CIT: variants seen among roughly 807,000 people sequenced by gnomAD.
CIT encodes the protein citron Rho-interacting kinase.
In CIT, 79 loss-of-function variants were observed where a neutral mutation model predicts 272.7. The ratio of observed to expected loss-of-function variants is 0.29; its 90% CI spans 0.24 to 0.35. The LOEUF is 0.35. Among genes scored for constraint, CIT ranks in the 10% least tolerant of loss-of-function variants. The pLI is 1.00. For synonymous variants in CIT, 948 were observed against 995.6 expected, an observed-to-expected ratio of 0.95 and a Z score of 0.90; for missense variants, 1,909 against 2,618.3, an observed-to-expected ratio of 0.73 and a Z score of 5.91.
At chr12:119,810,703 T>C (rs1177958687) in intron 9 of CIT, among the ~76,000 whole-genome samples, 16 of 69,568 alleles carry the variant, frequency 2.3e-4, no homozygotes, top group African/African-American at 1.1e-3. Flanking sequence ...TTCCATCATC[T>C]CAGAAAAAAA....
In CIT at chr12:119,712,188, T is replaced by C; in HGVS notation, c.4844A>G (p.Glu1615Gly). 6.3e-7 allele frequency: 1 copy of C among 1,599,740 alleles called. No individual in the cohort carries two copies. Among genetic ancestry groups the C allele is most frequent in the Non-Finnish European group, 8.5e-7 (1 of 1,172,368 alleles). ...CGCTTTCATACTCACAGCATCAGCT[T>C]CTGCTTTTTCCCTAGAAACTCTCCC... ...AGGRVSREKA[E>G]ADAKLLGNSL... is the part of the protein sequence containing the mutation. Residue 1615 changes from glutamate (E) to glycine (G), a missense_variant, in exon 37 of 48, where the codon GAA becomes GGA. Transcript: ENST00000392521. The surrounding 1 kb of genome is among the most constrained non-coding windows in gnomAD (Gnocchi z 5.2).
At position 119,712,043 on chromosome 12, in the gene CIT, A is replaced by G; in HGVS notation, c.4854+135T>C. On this transcript the variant is annotated intron_variant, in intron 37 of 47. Coordinates refer to ENST00000392521, the MANE Select transcript of CIT (RefSeq NM_001206999.2). This position sits in a 1 kb window ranked among gnomAD's most constrained non-coding sequence, Gnocchi z 5.2. Reference sequence around the variant, plus strand: ...ACCACCAGACTCCTGGCCATGACACAGTCTAGAGCCATCAGCCCTCAGAGA... The same window carrying G: ...ACCACCAGACTCCTGGCCATGACACGGTCTAGAGCCATCAGCCCTCAGAGA... The G allele has an allele frequency of 4.0e-6, 3 of 758,284 alleles. No individual in the cohort carries two copies. In the South Asian group the frequency reaches 6.9e-5, roughly 17 times the overall value. 47.0% of individuals were successfully genotyped at this position (758,284 alleles called of 1,614,324 possible). A position where few individuals can be genotyped will look rare whatever the true frequency, so the allele number is the denominator to read the frequency against.
intron 24 of CIT, among the ~76,000 whole-genome samples, chr12:119,737,078 T>G (rs1325320604): frequency 6.6e-6 from 1 of 152,002 alleles, no homozygotes; most frequent in Non-Finnish European, 1.5e-5. Flanking sequence ...CCTTAATGCA[T>G]CATGTAAACA....
intron 9 of CIT, among the ~76,000 whole-genome samples, chr12:119,812,548 T>C (rs1483709152): frequency 1.3e-5 from 2 of 151,634 alleles, no homozygotes; most frequent in Admixed American, 6.6e-5. Flanking sequence ...CAAGCAATCC[T>C]CCCACCTCAG....
chr12:119,772,817 G>A lies in CIT; in HGVS notation c.2035C>T (p.Arg679Ter). The change falls in exon 17 of 48, where the codon CGA (arginine) becomes TGA (stop). Residue 679 changes from arginine to a stop codon, truncating the protein, a stop_gained. Coordinates refer to ENST00000392521, the MANE Select transcript of CIT (RefSeq NM_001206999.2). LOFTEE classifies it high-confidence loss of function. ...AERELEKLQN[R>*]EDSSEGIRKK... The stretch of plus-strand genomic sequence containing the variant: ...CTGATGCCTTCAGAAGAATCCTCTC[G>A]GTTCTGCAGCTTCTCCAGCTCCCTC... The A allele has an allele frequency of 1.9e-6, 3 of 1,613,924 alleles. No homozygotes were observed. Among genetic ancestry groups the A allele is most frequent in the Non-Finnish European group, 1.7e-6 (2 of 1,179,966 alleles).
In CIT at chr12:119,751,915, G is replaced by A. The variant is rs551125931; in HGVS notation, c.2904+135C>T. The A allele has an allele frequency of 1.6e-5, 12 of 770,420 alleles. No homozygotes were observed. In the Admixed American group the frequency reaches 2.7e-4, roughly 17 times the overall value. 47.7% of individuals were successfully genotyped at this position (770,420 alleles called of 1,614,324 possible). On this transcript the variant is annotated intron_variant, in intron 23 of 47. Coordinates refer to ENST00000392521, the MANE Select transcript of CIT (RefSeq NM_001206999.2). ...AGCAGCCTATGTAAGCCAATTTCCTGGCCACTGAATATCTTTGTGGATCAT... is the reference window on the plus strand; with the variant it reads ...AGCAGCCTATGTAAGCCAATTTCCTAGCCACTGAATATCTTTGTGGATCAT...
chr12:119,774,584 G>GTA (rs773430710), intron 16 of CIT, among the ~76,000 whole-genome samples: 8 of 146,204 alleles, frequency 5.5e-5, no homozygotes, highest in Non-Finnish European at 1.1e-4. Flanking sequence ...GTGTGTGTGT[G>GTA]TATACATCAC....
At chr12:119,721,077 C>G (rs2137140820) in intron 29 of CIT, among the ~76,000 whole-genome samples, 1 of 152,292 alleles carries the variant, frequency 6.6e-6, no homozygotes, top group Non-Finnish European at 1.5e-5. Context: ...AGCCATTCTC[C>G]TTCCTCAGTC....
rs117164539 is a variant in CIT, at chr12:119,727,793, G to A, written c.3591+709C>T. On this transcript the variant is annotated intron_variant, in intron 28 of 47. Transcript: ENST00000392521. ...AACAATACAAAAATTAGTCGAGCATGGAGGCATATACCTGTAGTCCCAGCT... is the reference window on the plus strand; with the variant it reads ...AACAATACAAAAATTAGTCGAGCATAGAGGCATATACCTGTAGTCCCAGCT... Among the ~76,000 whole-genome samples, 6,500 of 152,150 alleles carry A rather than the reference G, an allele frequency of 0.043. 669 individuals carry two copies. The East Asian group carries it at 0.46, about 11-fold the overall frequency.
chr12:119,874,803 G>A (rs532387962), intron 2 of CIT, among the ~76,000 whole-genome samples: 3 of 151,252 alleles, frequency 2.0e-5, no homozygotes, highest in Non-Finnish European at 1.5e-5. Flanking sequence ...GGAGAATGGC[G>A]TGAACCCCGG....
intron 40 of CIT, among the ~76,000 whole-genome samples, chr12:119,706,199 C>T (rs1225781467): frequency 1.3e-5 from 2 of 152,056 alleles, no homozygotes; most frequent in African/African-American, 2.4e-5. Context: ...CGCCAGTAGC[C>T]TCAGGGGGTC....
chr12:119,708,131 G>C, intron 40 of CIT, 48 bp downstream of exon 40: 3 of 1,458,640 alleles, frequency 2.1e-6, no homozygotes, highest in East Asian at 2.6e-5. Context: ...GAGAGGTAGT[G>C]TCAATTTCCA....
At chr12:119,850,458 G>A (rs1208392459) in intron 4 of CIT, among the ~76,000 whole-genome samples, 183 bp from the exon 5 acceptor site, 2 of 147,834 alleles carry the variant, frequency 1.4e-5, no homozygotes, top group African/African-American at 5.1e-5. Flanking sequence ...GGAAAGGGAA[G>A]GGAAGGGGAA....
intron 19 of CIT, among the ~76,000 whole-genome samples, chr12:119,765,421 T>A (rs1962326154): frequency 6.9e-6 from 1 of 145,976 alleles, no homozygotes; most frequent in African/African-American, 2.5e-5. Flanking sequence ...ATATATATAT[T>A]TAGCCCAGTA....
At chr12:119,706,402 A>T (rs1956880068) in intron 40 of CIT, among the ~76,000 whole-genome samples, 1 of 152,110 alleles carries the variant, frequency 6.6e-6, no homozygotes, top group Non-Finnish European at 1.5e-5. Flanking sequence ...TAAGCCTAGT[A>T]TCCATTAGTT....
intron 24 of CIT, among the ~76,000 whole-genome samples, chr12:119,739,238 C>T (rs1958940046): frequency 6.6e-6 from 1 of 152,198 alleles, no homozygotes; most frequent in Non-Finnish European, 1.5e-5. Context: ...TGCCCACCAA[C>T]TCCCCTCTAA....
chr12:119,735,293 T>C lies in CIT; in HGVS notation c.3023A>G (p.Gln1008Arg), dbSNP rs758455904. ...GAGTTGTTTGGACAAGTAGAAGTTT[T>C]GGTTGTTGAGTTCAGCGTTGTCCTC... ...LTEDNAELNN[Q>R]NFYLSKQLDE... Residue 1008 changes from glutamine to arginine, a missense_variant, in exon 25 of 48, where the codon CAA becomes CGA. Gln to Arg is a conservative substitution (Grantham distance 43). Coordinates refer to ENST00000392521, the MANE Select transcript of CIT (RefSeq NM_001206999.2). 6.2e-7 allele frequency: 1 copy of C among 1,614,234 alleles called. No homozygotes were observed.
chr12:119,726,544 G>A (rs1402161136), intron 28 of CIT, among the ~76,000 whole-genome samples: 1 of 151,868 alleles, frequency 6.6e-6, no homozygotes, highest in African/African-American at 2.4e-5. Flanking sequence ...CCGCAAAAAT[G>A]TCACTATACT....
chr12:119,753,913 T>C (rs575906859), intron 22 of CIT, among the ~76,000 whole-genome samples: 17 of 152,278 alleles, frequency 1.1e-4, no homozygotes, highest in African/African-American at 3.8e-4. Flanking sequence ...CAAGTGGAGA[T>C]GTCTAACGTC....
Sources: gnomAD v4.1 joint callset for allele counts (sites outside exome capture counted in the v4.1 genomes callset) on GRCh38, gnomAD v4.1.1 for gene constraint, Gnocchi (gnomAD v3.1) non-coding constraint, MANE v1.5 for transcripts, NCBI Gene and HGNC (gene_info 2026-07-23, HGNC 2026-07-21) for gene names.